Variants in ASH1L observed in about 807,000 individuals in gnomAD.
ASH1L encodes the protein histone-lysine N-methyltransferase ASH1L.
ASH1L carries 23 observed loss-of-function variants against 269.0 expected under a neutral mutation model. That is an observed-to-expected ratio of 0.09 (90% confidence interval 0.06 to 0.12). The LOEUF (loss-of-function observed/expected upper bound fraction) is 0.12. Among genes scored for constraint, ASH1L ranks in the 10% least tolerant of loss-of-function variants. ASH1L has a pLI of 1.00. For missense variants in ASH1L, 2,912 were observed against 3,567.8 expected (o/e 0.82, Z 4.68); for synonymous variants, 1,187 against 1,253.5 (o/e 0.95, Z 1.12).
At chr1:155,530,704 C>T in intron 1 of ASH1L, among the ~76,000 whole-genome samples, 1 of 151,582 alleles carries the variant, frequency 6.6e-6, no homozygotes, top group East Asian at 1.9e-4. Context: ...CCACTGCACT[C>T]CAGCCTGGGT....
chr1:155,376,017 T>C (rs552555287), intron 10 of ASH1L, among the ~76,000 whole-genome samples: 15 of 152,176 alleles, frequency 9.9e-5, no homozygotes, highest in African/African-American at 3.1e-4. Flanking sequence ...CATGGGAGGA[T>C]TGCTTGAGTC....
chr1:155,519,384 C>T (rs1297745381), intron 2 of ASH1L, among the ~76,000 whole-genome samples: 1 of 151,846 alleles, frequency 6.6e-6, no homozygotes, highest in Non-Finnish European at 1.5e-5. Context: ...TGCAGTGAGC[C>T]GAGATCGCGC....
intron 7 of ASH1L, among the ~76,000 whole-genome samples, chr1:155,387,804 T>C (rs1240134626): frequency 6.6e-6 from 1 of 152,250 alleles, no homozygotes; most frequent in African/African-American, 2.4e-5. Context: ...TCTTCGCTGA[T>C]TTCTTTGAGC....
chr1:155,445,926 TCTCA>T (rs1471524066), intron 4 of ASH1L, among the ~76,000 whole-genome samples: 1 of 151,914 alleles, frequency 6.6e-6, no homozygotes, highest in Non-Finnish European at 1.5e-5. Context: ...AGGGACAAGG[TCTCA>T]CTGTTACCCA....
At chr1:155,458,924 C>T (rs964434467) in intron 4 of ASH1L, among the ~76,000 whole-genome samples, 1 of 149,060 alleles carries the variant, frequency 6.7e-6, no homozygotes, top group African/African-American at 2.5e-5. Flanking sequence ...CAGGAAAAGG[C>T]AGAAAACAGG....
At chr1:155,349,043 CTATA>C (rs934219998) in intron 19 of ASH1L, among the ~76,000 whole-genome samples, 2 of 151,448 alleles carry the variant, frequency 1.3e-5, no homozygotes, top group South Asian at 2.1e-4. Context: ...ATTAAAATAT[CTATA>C]TAACGCAGTC....
rs529744572 is a variant in ASH1L at position 155,416,243 on chromosome 1, G to A, written c.5829-320C>T. Among the ~76,000 whole-genome samples the A allele has an allele frequency of 2.6e-5, 4 of 152,036 alleles. No individual in the cohort carries two copies. In the East Asian group the frequency reaches 7.7e-4, roughly 29 times the overall value. ...CTTTCTGGGTTCAAGCAATTCTCCT[G>A]CCTCAGCCTCCCGAGTAGCTGATAT... On this transcript the variant is annotated intron_variant, in intron 5 of 27. Coordinates refer to ENST00000392403, the MANE Select transcript of ASH1L (RefSeq NM_018489.3).
At chr1:155,418,259 TA>T (rs1660379676) in intron 5 of ASH1L, among the ~76,000 whole-genome samples, 1 of 152,004 alleles carries the variant, frequency 6.6e-6, no homozygotes, top group South Asian at 2.1e-4. Flanking sequence ...TCTACAAGCA[TA>T]AATCAGGAAT....
rs1157311443 is a variant in ASH1L, at chr1:155,434,099, G to A, written c.5828+4228C>T. On this transcript the variant is annotated intron_variant, in intron 5 of 27. Transcript: ENST00000392403. ...TGAGGCTGCTGGGTCTCCTTTCTCA[G>A]GGGTACCAGTATCCTTTCCTCTGGC... 1.5e-5 allele frequency: 24 copies of A among 1,592,798 alleles called. No homozygotes were observed. In the East Asian group the frequency reaches 5.0e-4, roughly 33 times the overall value.
chr1:155,405,217 G>C (rs565319972), intron 6 of ASH1L, among the ~76,000 whole-genome samples: 4 of 150,838 alleles, frequency 2.7e-5, no homozygotes, highest in Non-Finnish European at 5.9e-5. Context: ...GCAGTGACTC[G>C]TGCCTGTAAT....
At chr1:155,442,498 G>C (rs1662672119) in intron 4 of ASH1L, among the ~76,000 whole-genome samples, 1 of 149,120 alleles carries the variant, frequency 6.7e-6, no homozygotes, top group African/African-American at 2.5e-5. Flanking sequence ...CAGGAGAATT[G>C]CTTGAACCTG....
At chr1:155,432,184 C>T (rs1403764155) in intron 5 of ASH1L, among the ~76,000 whole-genome samples, 1 of 152,168 alleles carries the variant, frequency 6.6e-6, no homozygotes, top group African/African-American at 2.4e-5. Flanking sequence ...CAAAAGCTTT[C>T]TTTCGCTTGC....
intron 2 of ASH1L, among the ~76,000 whole-genome samples, chr1:155,493,748 C>T (rs1415196888): frequency 6.6e-6 from 1 of 152,100 alleles, no homozygotes; most frequent in Non-Finnish European, 1.5e-5. Context: ...GCAGTGTGTG[C>T]CTGTAATCCC....
At chr1:155,519,888 T>C (rs1033773798) in intron 2 of ASH1L, among the ~76,000 whole-genome samples, 1 of 151,896 alleles carries the variant, frequency 6.6e-6, no homozygotes, top group Non-Finnish European at 1.5e-5. Flanking sequence ...CAAACTCCTG[T>C]CCTCAGGTGA....
At chr1:155,526,353 ATATGTT>A (rs1487592439) in intron 1 of ASH1L, among the ~76,000 whole-genome samples, 2 of 152,172 alleles carry the variant, frequency 1.3e-5, no homozygotes, top group Non-Finnish European at 2.9e-5. Flanking sequence ...TTTTTTCTTA[ATATGTT>A]TATATTTCAC....
chr1:155,446,210 G>A lies in ASH1L; in HGVS notation c.5087-7142C>T, dbSNP rs563280974. Among the ~76,000 whole-genome samples, 6 of 150,820 alleles carry A rather than the reference G, an allele frequency of 4.0e-5. No individual in the cohort carries two copies. In the South Asian group the frequency reaches 8.4e-4, roughly 21 times the overall value. ...CTGTACTTTTTATTATACAGATCCCGTACATGTTTTTCTAAATTTATCGTT... is the reference window on the plus strand; with the variant it reads ...CTGTACTTTTTATTATACAGATCCCATACATGTTTTTCTAAATTTATCGTT... On this transcript the variant is annotated intron_variant, in intron 4 of 27. Transcript: ENST00000392403.
chr1:155,523,017 C>A (rs1668993135), intron 1 of ASH1L, among the ~76,000 whole-genome samples: 1 of 151,804 alleles, frequency 6.6e-6, no homozygotes, highest in South Asian at 2.1e-4. Context: ...ATTAATAAAA[C>A]CAAAACAAAA....
Position 155,438,607 on chromosome 1 carries a change from G to A in ASH1L, c.5548C>T (p.Pro1850Ser), listed in dbSNP as rs531045652. 7 of 1,614,172 alleles carry A rather than the reference G, an allele frequency of 4.3e-6. No homozygotes were observed. In the Admixed American group the frequency reaches 6.7e-5, roughly 15 times the overall value. ...AGGGGACATTTCCGAGGTCGACCTGGCCTACGTTTCACAAAGTTATTCCCT... is the reference window on the plus strand; with the variant it reads ...AGGGGACATTTCCGAGGTCGACCTGACCTACGTTTCACAAAGTTATTCCCT... Reference protein sequence around the residue: ...RTGNNFVKRRPGRPRKCPLQA... With the variant: ...RTGNNFVKRRSGRPRKCPLQA... Residue 1850 changes from proline (P) to serine (S), a missense_variant, in exon 5 of 28, where the codon CCA becomes TCA. Pro to Ser is a moderately conservative substitution (Grantham distance 74). Transcript: ENST00000392403.
chr1:155,519,998 T>G (rs1296174810), intron 2 of ASH1L, among the ~76,000 whole-genome samples: 1 of 151,898 alleles, frequency 6.6e-6, no homozygotes, highest in Non-Finnish European at 1.5e-5. Context: ...ACAGAAGAAA[T>G]GGAAGACATT....
Sources: gnomAD v4.1 joint callset for allele counts (sites outside exome capture counted in the v4.1 genomes callset) on GRCh38, gnomAD v4.1.1 for gene constraint, MANE v1.5 for transcripts, NCBI Gene and HGNC (gene_info 2026-07-23, HGNC 2026-07-21) for gene names.